The following SCFD2 variants were observed in gnomAD, a reference collection of about 807,000 sequenced individuals.
SCFD2 encodes sec1 family domain containing 2, also known as sec1 family domain-containing protein 2.
Under a neutral mutation model 58.9 loss-of-function variants are expected in SCFD2, and 54 were observed. That is an observed-to-expected ratio of 0.92 (90% confidence interval 0.74 to 1.15). SCFD2 has a LOEUF of 1.15. Among genes scored for constraint, SCFD2 ranks in the 50% most tolerant of loss-of-function variants. SCFD2 has a pLI of 0.00. For missense variants in SCFD2, 805 were observed against 836.6 expected (o/e 0.96, Z 0.47); for synonymous variants, 321 against 335.9 (o/e 0.96, Z 0.49).
At chr4:53,248,608 C>G (rs1444883581) in intron 4 of SCFD2, among the ~76,000 whole-genome samples, 1 of 152,192 alleles carries the variant, frequency 6.6e-6, no homozygotes, top group Non-Finnish European at 1.5e-5. Context: ...CAAGTGGGTC[C>G]CTGACCCCTG....
At chr4:53,090,277 A>G (rs1488142848) in intron 5 of SCFD2, among the ~76,000 whole-genome samples, 1 of 152,180 alleles carries the variant, frequency 6.6e-6, no homozygotes, top group African/African-American at 2.4e-5. Flanking sequence ...CCTCTCACAA[A>G]CAGTTGGGCT....
At chr4:53,239,242 C>G (rs1479924240) in intron 4 of SCFD2, among the ~76,000 whole-genome samples, 2 of 151,904 alleles carry the variant, frequency 1.3e-5, no homozygotes, top group South Asian at 2.1e-4. Flanking sequence ...CGCAGGCACT[C>G]GGCAGGCTGA....
chr4:52,946,825 T>C (rs959661859), intron 5 of SCFD2, among the ~76,000 whole-genome samples: 2 of 152,156 alleles, frequency 1.3e-5, no homozygotes, highest in Admixed American at 6.5e-5. Flanking sequence ...TAGGTACTTA[T>C]GGTTGGAAAG....
At chr4:53,187,734 T>C (rs1261588566) in intron 4 of SCFD2, among the ~76,000 whole-genome samples, 1 of 152,054 alleles carries the variant, frequency 6.6e-6, no homozygotes, top group Non-Finnish European at 1.5e-5. Flanking sequence ...AGTGTGTGTA[T>C]ATACACACAC....
intron 5 of SCFD2, among the ~76,000 whole-genome samples, chr4:53,016,614 T>A (rs542838991): frequency 4.6e-5 from 7 of 152,224 alleles, no homozygotes; most frequent in Non-Finnish European, 1.0e-4. Context: ...ATATTCTTTG[T>A]ACTAGACAAA....
intron 4 of SCFD2, among the ~76,000 whole-genome samples, chr4:53,272,569 G>T (rs1016645107): frequency 6.6e-6 from 1 of 152,112 alleles, no homozygotes; most frequent in African/African-American, 2.4e-5. Context: ...GATGAAGCTG[G>T]AAACCATCAT....
intron 4 of SCFD2, among the ~76,000 whole-genome samples, chr4:53,272,216 A>G (rs373260537): frequency 5.9e-5 from 9 of 152,184 alleles, no homozygotes; most frequent in Admixed American, 2.0e-4. Flanking sequence ...AGGTGCTGGA[A>G]AGGATGTGGA....
chr4:53,213,935 T>C (rs1159052047), intron 4 of SCFD2, among the ~76,000 whole-genome samples: 1 of 152,108 alleles, frequency 6.6e-6, no homozygotes. Flanking sequence ...GATAGTTTGC[T>C]GAGAATGATG....
chr4:53,048,555 G>C lies in SCFD2; in HGVS notation c.1561+96778C>G, dbSNP rs539239427. 5.3e-5 allele frequency among the ~76,000 whole-genome samples: 8 copies of C among 152,268 alleles called. No individual in the cohort carries two copies. The South Asian group carries it at 1.5e-3, about 28-fold the overall frequency. ...GTTTGAGAACAGCCTAGGAAACATAGGGAGACCCTGTCTCTACAGAAAATA... is the reference window on the plus strand; with the variant it reads ...GTTTGAGAACAGCCTAGGAAACATACGGAGACCCTGTCTCTACAGAAAATA... On this transcript the variant is annotated intron_variant, in intron 5 of 8. Transcript: ENST00000401642.
intron 4 of SCFD2, among the ~76,000 whole-genome samples, chr4:53,220,346 G>A (rs1272583531): frequency 6.6e-6 from 1 of 152,140 alleles, no homozygotes; most frequent in Non-Finnish European, 1.5e-5. Flanking sequence ...ACATTTGTTG[G>A]TTTCTTTACT....
intron 4 of SCFD2, among the ~76,000 whole-genome samples, chr4:53,252,911 T>C (rs1282261599): frequency 1.3e-5 from 2 of 152,018 alleles, no homozygotes; most frequent in Admixed American, 1.3e-4. Flanking sequence ...ACTAAAGCGC[T>C]TCTGCACAGC....
At chr4:53,096,046 A>G (rs912900595) in intron 5 of SCFD2, among the ~76,000 whole-genome samples, 12 of 152,302 alleles carry the variant, frequency 7.9e-5, no homozygotes, top group African/African-American at 2.6e-4. Context: ...AAAGGACATG[A>G]ACTCATCATT....
intron 5 of SCFD2, among the ~76,000 whole-genome samples, chr4:52,923,598 G>T (rs1434259812): frequency 2.0e-5 from 3 of 152,102 alleles, no homozygotes; most frequent in Non-Finnish European, 2.9e-5. Flanking sequence ...GCAGGGGATT[G>T]GGGGGTAGGG....
chr4:53,221,048 GT>G (rs1409754783), intron 4 of SCFD2, among the ~76,000 whole-genome samples: 1 of 152,198 alleles, frequency 6.6e-6, no homozygotes, highest in African/African-American at 2.4e-5. Context: ...AGTAGCAGGA[GT>G]ATCAGGAGCA....
intron 5 of SCFD2, among the ~76,000 whole-genome samples, chr4:53,015,044 T>C (rs887566428): frequency 6.6e-6 from 1 of 152,190 alleles, no homozygotes; most frequent in Admixed American, 6.6e-5. Context: ...AAGGTAATGA[T>C]TTAGCAAAAC....
chr4:53,175,081 C>T (rs1727289545), intron 4 of SCFD2, among the ~76,000 whole-genome samples: 1 of 152,140 alleles, frequency 6.6e-6, no homozygotes, highest in Admixed American at 6.6e-5. Flanking sequence ...TGGCTGCATA[C>T]TTTAACAATC....
At chr4:53,316,937 GC>G (rs1363579312) in intron 2 of SCFD2, among the ~76,000 whole-genome samples, 4 of 151,762 alleles carry the variant, frequency 2.6e-5, no homozygotes, top group African/African-American at 9.7e-5. Context: ...GAGAAACCCC[GC>G]CCCTAATAAA....
At position 52,885,883 on chromosome 4, in the gene SCFD2, C is replaced by A; in HGVS notation, c.1843-17G>T. On this transcript the variant is annotated splice_polypyrimidine_tract_variant and intron_variant, in intron 7 of 8. Coordinates refer to ENST00000401642, the MANE Select transcript of SCFD2 (RefSeq NM_152540.4). Reference sequence around the variant, plus strand: ...CCGGCTCACCTGCAAAACAAAACACCAGCAATATCAGATGGATGGCAGTGA... The same window carrying A: ...CCGGCTCACCTGCAAAACAAAACACAAGCAATATCAGATGGATGGCAGTGA... 1 of 1,613,570 alleles carries A rather than the reference C, an allele frequency of 6.2e-7. No individual in the cohort carries two copies.
chr4:52,928,672 C>T (rs12331609), intron 5 of SCFD2, among the ~76,000 whole-genome samples: 7,221 of 152,114 alleles, frequency 0.047, 207 homozygotes, highest in South Asian at 0.12. Flanking sequence ...AGTCTCTCAG[C>T]CTATAGTTAT....
Sources: allele counts gnomAD v4.1 joint callset (sites outside exome capture counted in the v4.1 genomes callset), GRCh38; gene constraint gnomAD v4.1.1; transcripts MANE v1.5; gene names NCBI Gene and HGNC (gene_info 2026-07-23, HGNC 2026-07-21).